SH2B1: variants seen among roughly 807,000 people sequenced by gnomAD.
The protein encoded by SH2B1 is SH2B adapter protein 1.
A neutral mutation model predicts 62.6 loss-of-function variants in SH2B1; 15 were observed. The ratio of observed to expected loss-of-function variants is 0.24; its 90% CI spans 0.16 to 0.37. The LOEUF (loss-of-function observed/expected upper bound fraction) is 0.37. Ranked by LOEUF, SH2B1 falls within the 10% of genes least tolerant of loss-of-function variation. The pLI is 1.00. For synonymous variants in SH2B1, 443 were observed against 438.0 expected (o/e 1.01, Z -0.14); for missense variants, 925 against 1,015.6 (o/e 0.91, Z 1.21).
intron 1 of SH2B1, among the ~76,000 whole-genome samples, chr16:28,847,092 T>C (rs1961990754): frequency 2.0e-5 from 3 of 152,194 alleles, no homozygotes; most frequent in Admixed American, 2.0e-4. Flanking sequence ...CCCACCCCTG[T>C]AGTCCCTCAG....
At chr16:28,861,236 G>T (rs1962438555), upstream of SH2B1, among the ~76,000 whole-genome samples, 1 of 151,854 alleles carries the variant, frequency 6.6e-6, no homozygotes, top group African/African-American at 2.4e-5. Context: ...AGATTCAAGT[G>T]ATTCTCCTGC....
At chr16:28,849,476 G>C (rs1373385637) in intron 1 of SH2B1, among the ~76,000 whole-genome samples, 1 of 152,070 alleles carries the variant, frequency 6.6e-6, no homozygotes, top group Non-Finnish European at 1.5e-5. Flanking sequence ...TTGGCCACTA[G>C]CAAGTTATGA....
Position 28,851,804 on chromosome 16 carries a change from C to A in SH2B1, c.-301+4977C>A, listed in dbSNP as rs573065682. Among the ~76,000 whole-genome samples, 126 of 150,814 alleles carry A rather than the reference C, an allele frequency of 8.4e-4. 3 individuals are homozygous for A. The South Asian group carries it at 0.025, about 30-fold the overall frequency. On this transcript the variant is annotated intron_variant, in intron 1 of 10. Transcript: ENST00000322610. ...CATATATTGGCCAGGCATGGTGCCT[C>A]ACGCCTGTAATCCCAGCACTTTGGG...
chr16:28,852,620 A>G (rs1425703901), intron 1 of SH2B1, among the ~76,000 whole-genome samples: 1 of 85,406 alleles, frequency 1.2e-5, no homozygotes, highest in Non-Finnish European at 1.9e-5. Flanking sequence ...ATACACATAT[A>G]TATTTATATA....
intron 3 of SH2B1, 34 bp downstream of exon 3, chr16:28,869,131 A>G (rs1962892079): frequency 6.2e-7 from 1 of 1,613,354 alleles, no homozygotes; most frequent in African/African-American, 1.3e-5. Flanking sequence ...TAAGGGACAT[A>G]GAGTGGGGTT....
Position 28,865,206 on chromosome 16 carries a change from C to T in SH2B1, c.-889C>T, listed in dbSNP as rs975994023. The T allele has an allele frequency of 1.0e-6, 1 of 985,620 alleles. No homozygotes were observed. Among genetic ancestry groups the T allele is most frequent in the Non-Finnish European group, 1.2e-6 (1 of 829,952 alleles). 61.1% of individuals were successfully genotyped at this position (985,620 alleles called of 1,614,324 possible). A position where few individuals can be genotyped will look rare whatever the true frequency, so the allele number is the denominator to read the frequency against. ...AGCAAAGACTTGACCTGAGCCAACC[C>T]AGTTTCTCCTCTGGGGCCCCTGCGG... is the stretch of plus-strand genomic sequence containing the variant. On this transcript the variant is annotated 5_prime_UTR_variant, in exon 1 of 8. Transcript: ENST00000684370.
intron 1 of SH2B1, among the ~76,000 whole-genome samples, chr16:28,852,369 TATATTTAC>T (rs1306290788): frequency 4.6e-5 from 4 of 86,886 alleles, no homozygotes; most frequent in Non-Finnish European, 5.8e-5. Context: ...TATATTTATA[TATATTTAC>T]ATATATTTAT....
Position 28,865,450 on chromosome 16 carries a change from C to G in SH2B1, c.-645C>G, listed in dbSNP as rs983652457. 1 of 985,482 alleles carries G rather than the reference C, an allele frequency of 1.0e-6. No homozygotes were observed. Among genetic ancestry groups the G allele is most frequent in the African/African-American group, 1.7e-5 (1 of 57,238 alleles). 61.0% of individuals were successfully genotyped at this position (985,482 alleles called of 1,614,324 possible). On this transcript the variant is annotated 5_prime_UTR_variant, in exon 1 of 8. Transcript: ENST00000684370. ...TCTCTAAGGTCTAGAATCCCAGCTC[C>G]TCTCTAGCCCCCTGCGAGCTGGGGC...
At position 28,867,322 on chromosome 16, in the gene SH2B1, C is replaced by T. The variant is rs375732131; in HGVS notation, c.940-9C>T. The T allele has an allele frequency of 6.2e-7, 1 of 1,607,286 alleles. No homozygotes were observed. The highest frequency in any genetic ancestry group is 8.5e-7 in the Non-Finnish European group (1 of 1,174,132). On this transcript the variant is annotated splice_polypyrimidine_tract_variant and intron_variant, in intron 1 of 7. Transcript: ENST00000684370. ...AAACACCCAGATCTGTTTCTTTCTCCTGACTTAGGCCTCTCGGCCCCGACT... is the reference window on the plus strand; with the variant it reads ...AAACACCCAGATCTGTTTCTTTCTCTTGACTTAGGCCTCTCGGCCCCGACT...
At chr16:28,852,924 AT>A (rs1220722855) in intron 1 of SH2B1, among the ~76,000 whole-genome samples, 3 of 47,446 alleles carry the variant, frequency 6.3e-5, no homozygotes, top group African/African-American at 2.3e-4. Flanking sequence ...ACATATATAT[AT>A]TTTTATATAT....
rs1461016244 is a variant in SH2B1 at position 28,863,896 on chromosome 16, C to T, written c.-2199C>T. On this transcript the variant is annotated 5_prime_UTR_variant, in exon 1 of 8. Coordinates refer to ENST00000684370, the MANE Select transcript of SH2B1 (RefSeq NM_001387430.1). ...GGGTGGGGGCGCAGGGAGCGGGAGC[C>T]GCCGCCGCCGCCGCCGCCGCCGGAG... is the stretch of plus-strand genomic sequence containing the variant. The T allele has an allele frequency of 1.6e-5, 9 of 565,640 alleles. No individual in the cohort carries two copies. The highest frequency in any genetic ancestry group is 2.7e-5 in the African/African-American group (1 of 37,026). 35.0% of individuals were successfully genotyped at this position (565,640 alleles called of 1,614,324 possible). A position where few individuals can be genotyped will look rare whatever the true frequency, so the allele number is the denominator to read the frequency against.
chr16:28,865,011 G>C lies in SH2B1; in HGVS notation c.-1084G>C, dbSNP rs1482022485. 8 of 789,738 alleles carry C rather than the reference G, an allele frequency of 1.0e-5. No homozygotes were observed. Among genetic ancestry groups the C allele is most frequent in the Non-Finnish European group, 1.1e-5 (7 of 651,624 alleles). 48.9% of individuals were successfully genotyped at this position (789,738 alleles called of 1,614,324 possible). A position where few individuals can be genotyped will look rare whatever the true frequency, so the allele number is the denominator to read the frequency against. On this transcript the variant is annotated 5_prime_UTR_variant, in exon 1 of 8. Coordinates refer to ENST00000684370, the MANE Select transcript of SH2B1 (RefSeq NM_001387430.1). ...TGTTCAAGATAACATCGCTCATAAG[G>C]TGGCTGGACTGGGTGCTCATAAGGT...
chr16:28,865,753 C>G lies in SH2B1; in HGVS notation c.-342C>G. On this transcript the variant is annotated 5_prime_UTR_variant, in exon 1 of 8. Transcript: ENST00000684370. The stretch of plus-strand genomic sequence containing the variant: ...TTTAGGGGGAAGGTGCTCCAAAGCC[C>G]TCTACTGCTGGATCCAAAGCTAAGG... The G allele has an allele frequency of 1.8e-6, 2 of 1,082,696 alleles. No homozygotes were observed. Among genetic ancestry groups the G allele is most frequent in the Non-Finnish European group, 2.2e-6 (2 of 893,208 alleles). The allele number at this position is 1,082,696 out of a possible 1,614,324, so 67.1% of individuals were successfully genotyped here. A position where few individuals can be genotyped will look rare whatever the true frequency, so the allele number is the denominator to read the frequency against.
In SH2B1 at chr16:28,866,966, G is replaced by A. The variant is rs765409318; in HGVS notation, c.872G>A (p.Arg291His). ...GGGQPQWQKC[R>H]LLLRSEGEGG... Reference sequence around the variant, plus strand: ...GGGCAGCCTCAGTGGCAGAAGTGTCGCCTGCTGCTTCGAAGTGAAGGAGAA... The same window carrying A: ...GGGCAGCCTCAGTGGCAGAAGTGTCACCTGCTGCTTCGAAGTGAAGGAGAA... The change falls in exon 1 of 8, where the codon CGC becomes CAC. Residue 291 changes from arginine (R) to histidine (H), a missense_variant. This residue lies in a region of SH2B1 where 683 missense variants were observed against 704.0 expected (regional missense o/e 0.97). Coordinates refer to ENST00000684370, the MANE Select transcript of SH2B1 (RefSeq NM_001387430.1). The surrounding 1 kb of genome is among the most constrained non-coding windows in gnomAD (Gnocchi z 6.3). The A allele has an allele frequency of 3.1e-6, 5 of 1,607,000 alleles. No individual in the cohort carries two copies. The highest frequency in any genetic ancestry group is 4.5e-5 in the East Asian group (2 of 44,884).
At position 28,867,508 on chromosome 16, in the gene SH2B1, G is replaced by T. The variant is rs577778048; in HGVS notation, c.1041+76G>T. On this transcript the variant is annotated intron_variant, in intron 2 of 7. Transcript: ENST00000684370. ...CCCTCAGCGCATTTAAGCAAGTGGC[G>T]TCGCCGAAAGGAGGTATATATATGT... The T allele has an allele frequency of 4.2e-4, 459 of 1,087,728 alleles. 5 individuals carry two copies. The South Asian group carries it at 5.6e-3, about 13-fold the overall frequency. 67.4% of individuals were successfully genotyped at this position (1,087,728 alleles called of 1,614,324 possible). A position where few individuals can be genotyped will look rare whatever the true frequency, so the allele number is the denominator to read the frequency against.
At chr16:28,851,939 C>T (rs1962107843) in intron 1 of SH2B1, among the ~76,000 whole-genome samples, 1 of 149,538 alleles carries the variant, frequency 6.7e-6, no homozygotes, top group Non-Finnish European at 1.5e-5. Context: ...TGGTGGTGCG[C>T]ACCTGTGGTC....
Position 28,865,414 on chromosome 16 carries a change from G to T in SH2B1, c.-681G>T, listed in dbSNP as rs1219342551. The T allele has an allele frequency of 4.1e-6, 4 of 985,622 alleles. No individual in the cohort carries two copies. Among genetic ancestry groups the T allele is most frequent in the Non-Finnish European group, 4.8e-6 (4 of 829,962 alleles). The allele number at this position is 985,622 out of a possible 1,614,324, so 61.1% of individuals were successfully genotyped here. ...TCCAAAGAGTTGGACCCTAAGATGC[G>T]TGAGGCAGGCTCTCTAAGGTCTAGA... On this transcript the variant is annotated 5_prime_UTR_variant, in exon 1 of 8. Coordinates refer to ENST00000684370, the MANE Select transcript of SH2B1 (RefSeq NM_001387430.1).
upstream of SH2B1, chr16:28,862,178 T>A (rs1567463379): frequency 6.6e-6 from 1 of 152,244 alleles, no homozygotes. Flanking sequence ...TGCTTTCAAC[T>A]ACCCTCCGTA....
At position 28,856,199 on chromosome 16, in the gene SH2B1, G is replaced by A. The variant is rs573871945; in HGVS notation, c.-300-5419G>A. ...TGAGGCAGGAGAATCACTTGAATCC[G>A]GAGGTGGACATTGCAGTGAGCCCAG... On this transcript the variant is annotated intron_variant, in intron 1 of 10. Transcript: ENST00000322610. Among the ~76,000 whole-genome samples, 83 of 150,114 alleles carry A rather than the reference G, an allele frequency of 5.5e-4. 2 individuals are homozygous for A. In the South Asian group the frequency reaches 0.016, roughly 29 times the overall value.
Sources: gnomAD v4.1 joint callset for allele counts (sites outside exome capture counted in the v4.1 genomes callset) on GRCh38, gnomAD v4.1.1 for gene constraint, gnomAD v4.1.1 regional missense constraint, Gnocchi (gnomAD v3.1) non-coding constraint, MANE v1.5 for transcripts, NCBI Gene and HGNC (gene_info 2026-07-23, HGNC 2026-07-21) for gene names.